CCDC7: variants seen among roughly 807,000 people sequenced by gnomAD.
The protein encoded by CCDC7 is coiled-coil domain containing 7, also known as coiled-coil domain-containing protein 7.
In CCDC7, 183 loss-of-function variants were observed where a neutral mutation model predicts 196.9. The ratio of observed to expected loss-of-function variants is 0.93; its 90% confidence interval spans 0.82 to 1.05. CCDC7 has a LOEUF of 1.05. Among genes scored for constraint, CCDC7 ranks in the 50% least tolerant of loss-of-function variants. The pLI, the probability that CCDC7 is intolerant of heterozygous loss-of-function variation, is 0.00. For synonymous variants in CCDC7, 525 were observed against 484.6 expected (o/e 1.08, Z -1.10); for missense variants, 1,540 against 1,482.2 (o/e 1.04, Z -0.64).
At chr10:32,540,046 G>A (rs924882811) in intron 11 of CCDC7, among the ~76,000 whole-genome samples, 9 of 151,008 alleles carry the variant, frequency 6.0e-5, no homozygotes, top group Admixed American at 2.0e-4. Flanking sequence ...TTGAGTTTAG[G>A]TGCTGAATAT....
intron 23 of CCDC7, among the ~76,000 whole-genome samples, chr10:32,690,539 T>C (rs2076963839): frequency 6.6e-6 from 1 of 152,166 alleles, no homozygotes; most frequent in African/African-American, 2.4e-5. Context: ...TAATATAGCA[T>C]TGGACCAGCA....
At chr10:32,542,515 C>A (rs532233892) in intron 11 of CCDC7, among the ~76,000 whole-genome samples, 82 of 151,614 alleles carry the variant, frequency 5.4e-4, no homozygotes, top group Non-Finnish European at 7.9e-4. Flanking sequence ...CCCCTGTAGT[C>A]CCAGCTACTG....
intron 33 of CCDC7, among the ~76,000 whole-genome samples, chr10:32,837,294 C>T (rs188523334): frequency 0.019 from 2,843 of 152,248 alleles, 93 homozygotes; most frequent in African/African-American, 0.065. Flanking sequence ...CAAAAGAAGA[C>T]ATTTATGCAG....
chr10:32,517,908 A>C, intron 9 of CCDC7, 37 bp from the exon 11 acceptor site: 3 of 1,571,260 alleles, frequency 1.9e-6, no homozygotes, highest in Non-Finnish European at 2.6e-6. Context: ...ATATAAATGT[A>C]CAATTATAAA....
At position 32,726,930 on chromosome 10, in the gene CCDC7, T is replaced by G. The variant is rs1432575594; in HGVS notation, c.2668+98T>G. ...TCCTGAATGTGTATTTTAGCATGTATTTTATGGAAATCGTAGACTTTGCCC... is the reference window on the plus strand; with the variant it reads ...TCCTGAATGTGTATTTTAGCATGTAGTTTATGGAAATCGTAGACTTTGCCC... On this transcript the variant is annotated intron_variant, in intron 26 of 41. Transcript: ENST00000639629. 7 of 703,608 alleles carry G rather than the reference T, an allele frequency of 9.9e-6. No individual in the cohort carries two copies. The East Asian group carries it at 2.1e-4, about 21-fold the overall frequency. The allele number at this position is 703,608 out of a possible 1,614,324, so 43.6% of individuals were successfully genotyped here. A position where few individuals can be genotyped will look rare whatever the true frequency, so the allele number is the denominator to read the frequency against.
chr10:32,831,284 C>A (rs2092134260), intron 32 of CCDC7, among the ~76,000 whole-genome samples: 1 of 150,764 alleles, frequency 6.6e-6, no homozygotes, highest in South Asian at 2.1e-4. Flanking sequence ...GTAGAGCTTG[C>A]AAGACTGAAT....
At chr10:32,653,935 T>C (rs1236314811) in intron 20 of CCDC7, among the ~76,000 whole-genome samples, 1 of 152,230 alleles carries the variant, frequency 6.6e-6, no homozygotes, top group African/African-American at 2.4e-5. Flanking sequence ...CTTTTCTTCT[T>C]CTGGAATGCC....
chr10:32,447,197 A>G (rs2031536361), upstream of CCDC7, among the ~76,000 whole-genome samples: 1 of 151,988 alleles, frequency 6.6e-6, no homozygotes, highest in Non-Finnish European at 1.5e-5. Flanking sequence ...CGATCATTCT[A>G]CTGAAATTGT....
chr10:32,737,922 C>T (rs1024435221), intron 28 of CCDC7, among the ~76,000 whole-genome samples: 4 of 152,084 alleles, frequency 2.6e-5, no homozygotes, highest in African/African-American at 9.7e-5. Context: ...ATATTTAAAG[C>T]CAATTTCTGG....
At chr10:32,670,942 A>C (rs941343567) in intron 21 of CCDC7, among the ~76,000 whole-genome samples, 1 of 151,958 alleles carries the variant, frequency 6.6e-6, no homozygotes, top group African/African-American at 2.4e-5. Flanking sequence ...GTGGGCTTTT[A>C]GTTCTATAAA....
chr10:32,754,893 C>G (rs754553216), intron 28 of CCDC7, among the ~76,000 whole-genome samples: 1 of 152,080 alleles, frequency 6.6e-6, no homozygotes, highest in African/African-American at 2.4e-5. Context: ...ACAGATGGTA[C>G]CTGGAAAATT....
chr10:32,859,687 A>AG (rs2093897910), intron 41 of CCDC7, among the ~76,000 whole-genome samples: 1 of 132,538 alleles, frequency 7.5e-6, no homozygotes. Flanking sequence ...TAAAAAAGAA[A>AG]AGAGAAGAAT....
chr10:32,851,999 C>A, intron 40 of CCDC7, 67 bp downstream of exon 41: 2 of 1,468,138 alleles, frequency 1.4e-6, no homozygotes, highest in Middle Eastern at 1.8e-4. Flanking sequence ...ATGTAAATAA[C>A]CAAGTTGTAA....
chr10:32,570,948 GTATTATAT>G (rs2057462056), intron 15 of CCDC7, among the ~76,000 whole-genome samples: 1 of 149,712 alleles, frequency 6.7e-6, no homozygotes, highest in African/African-American at 2.5e-5. Flanking sequence ...AGGAAAATAT[GTATTATAT>G]TCACAAGAGG....
intron 29 of CCDC7, among the ~76,000 whole-genome samples, chr10:32,792,449 C>T (rs1235760636): frequency 6.6e-6 from 1 of 152,114 alleles, no homozygotes; most frequent in Non-Finnish European, 1.5e-5. Context: ...AGATACAAAT[C>T]TACAGTTTAG....
At chr10:32,571,006 C>CTTTTTTTT (rs376971167) in intron 15 of CCDC7, among the ~76,000 whole-genome samples, 2 of 131,408 alleles carry the variant, frequency 1.5e-5, no homozygotes, top group Admixed American at 8.0e-5. Context: ...GGTCACTGGC[C>CTTTTTTTT]TTTTTTTTTT....
chr10:32,638,186 T>C (rs1334045409), intron 20 of CCDC7, among the ~76,000 whole-genome samples: 1 of 152,216 alleles, frequency 6.6e-6, no homozygotes, highest in African/African-American at 2.4e-5. Context: ...ACAGGGACAA[T>C]TTGACTTCCT....
At chr10:32,520,457 C>T (rs2047714188) in intron 11 of CCDC7, among the ~76,000 whole-genome samples, 1 of 152,058 alleles carries the variant, frequency 6.6e-6, no homozygotes, top group Non-Finnish European at 1.5e-5. Context: ...ATTTGCATTT[C>T]TCAGATGATC....
chr10:32,595,616 TTC>T (rs1457170501), intron 18 of CCDC7, among the ~76,000 whole-genome samples: 3 of 152,210 alleles, frequency 2.0e-5, no homozygotes. Flanking sequence ...GCTTCTCTAG[TTC>T]TTTTAATTGT....
Sources: allele counts gnomAD v4.1 joint callset (sites outside exome capture counted in the v4.1 genomes callset), GRCh38; gene constraint gnomAD v4.1.1; transcripts MANE v1.5; gene names NCBI Gene and HGNC (gene_info 2026-07-23, HGNC 2026-07-21).